The following CSMD3 variants were observed in gnomAD, a reference collection of about 807,000 sequenced individuals.
CSMD3 encodes the protein CUB and sushi domain-containing protein 3.
A neutral mutation model predicts 435.2 loss-of-function variants in CSMD3; 177 were observed. That is an observed-to-expected ratio of 0.41 (90% CI 0.36 to 0.46). The LOEUF (loss-of-function observed/expected upper bound fraction) is 0.46, where lower values mean the gene tolerates loss of function less well. Ranked by LOEUF, CSMD3 falls within the 20% of genes least tolerant of loss-of-function variation. CSMD3 has a pLI of 0.34. For synonymous variants in CSMD3, 1,656 were observed against 1,520.5 expected, an observed-to-expected ratio of 1.09 and a Z score of -2.07; for missense variants, 4,265 against 4,504.6, an observed-to-expected ratio of 0.95 and a Z score of 1.52.
chr8:112,816,710 A>G (rs771604883), intron 12 of CSMD3, among the ~76,000 whole-genome samples: 123 of 152,194 alleles, frequency 8.1e-4, no homozygotes, highest in Middle Eastern at 3.4e-3. Context: ...ATAGGGCTCA[A>G]CAAACTAAGA....
intron 31 of CSMD3, among the ~76,000 whole-genome samples, chr8:112,488,361 A>G (rs1251326818): frequency 6.6e-6 from 1 of 152,194 alleles, no homozygotes; most frequent in Non-Finnish European, 1.5e-5. Flanking sequence ...CATGGAGCTT[A>G]TGCTCTTCTA....
intron 13 of CSMD3, among the ~76,000 whole-genome samples, chr8:112,745,407 A>AT (rs1198218542): frequency 6.6e-6 from 1 of 151,926 alleles, no homozygotes. Context: ...TATTTTAAGT[A>AT]TTTTTTCAAA....
chr8:113,019,579 CTTA>C lies in CSMD3; in HGVS notation c.918-403_918-401del, dbSNP rs1365730156. ...TATTATTTATTATATATATTGTATT[CTTA>C]TTGTTAATAATAAACATAACAGATA... On this transcript the variant is annotated intron_variant, in intron 5 of 70. Coordinates refer to ENST00000297405, the MANE Select transcript of CSMD3 (RefSeq NM_198123.2). Among the ~76,000 whole-genome samples, 7 of 147,214 alleles carry C rather than the reference CTTA, an allele frequency of 4.8e-5. No individual in the cohort carries two copies. In the East Asian group the frequency reaches 7.9e-4, roughly 17 times the overall value.
At chr8:112,367,960 TA>T (rs1244114218) in intron 38 of CSMD3, among the ~76,000 whole-genome samples, 2 of 152,190 alleles carry the variant, frequency 1.3e-5, no homozygotes, top group Admixed American at 6.5e-5. Flanking sequence ...TATTTAATTA[TA>T]AAGCAATCTT....
intron 7 of CSMD3, among the ~76,000 whole-genome samples, chr8:112,957,725 T>G (rs1305637850): frequency 1.4e-5 from 2 of 146,918 alleles, no homozygotes; most frequent in Non-Finnish European, 3.0e-5. Context: ...TGGGAAACGG[T>G]GTAAACCCAC....
intron 4 of CSMD3, among the ~76,000 whole-genome samples, chr8:113,167,537 C>T (rs893884138): frequency 2.0e-5 from 3 of 152,140 alleles, no homozygotes; most frequent in East Asian, 3.9e-4. Context: ...AGGACATGTA[C>T]GTTATTTTAT....
chr8:112,769,740 A>T (rs1194192723), intron 13 of CSMD3, among the ~76,000 whole-genome samples: 2 of 151,976 alleles, frequency 1.3e-5, no homozygotes, highest in East Asian at 3.9e-4. Context: ...GAGAGTACAT[A>T]AAAGATTTTT....
intron 19 of CSMD3, among the ~76,000 whole-genome samples, chr8:112,647,602 G>C (rs917322146): frequency 6.6e-6 from 1 of 152,058 alleles, no homozygotes; most frequent in African/African-American, 2.4e-5. Context: ...CACCGCACCA[G>C]GCCTTCAAAT....
chr8:112,379,286 A>G (rs1829247697), intron 38 of CSMD3, among the ~76,000 whole-genome samples: 1 of 152,162 alleles, frequency 6.6e-6, no homozygotes, highest in African/African-American at 2.4e-5. Flanking sequence ...CCTGACCAAC[A>G]TGGTGAAACC....
At chr8:112,849,300 A>G (rs1011276019) in intron 11 of CSMD3, among the ~76,000 whole-genome samples, 1 of 152,120 alleles carries the variant, frequency 6.6e-6, no homozygotes, top group Admixed American at 6.5e-5. Context: ...CCTCATAACA[A>G]TAACTCAATA....
intron 7 of CSMD3, among the ~76,000 whole-genome samples, chr8:112,965,535 G>A (rs1359763630): frequency 6.6e-6 from 1 of 151,886 alleles, no homozygotes; most frequent in Non-Finnish European, 1.5e-5. Flanking sequence ...ATTGACATCA[G>A]AAATTCTTAA....
intron 28 of CSMD3, among the ~76,000 whole-genome samples, chr8:112,507,655 T>G (rs764208344): frequency 6.6e-6 from 1 of 152,190 alleles, no homozygotes; most frequent in Non-Finnish European, 1.5e-5. Flanking sequence ...AGCATTCAGT[T>G]ATAAGGGAAA....
intron 2 of CSMD3, among the ~76,000 whole-genome samples, chr8:113,287,032 G>C (rs1269339442): frequency 6.6e-6 from 1 of 151,964 alleles, no homozygotes; most frequent in Non-Finnish European, 1.5e-5. Flanking sequence ...TTTTGTGAAT[G>C]TTAAGTAAGG....
At chr8:113,110,549 C>T (rs571092788) in intron 4 of CSMD3, among the ~76,000 whole-genome samples, 8 of 152,240 alleles carry the variant, frequency 5.3e-5, no homozygotes, top group East Asian at 1.9e-4. Context: ...TCATCAGAAT[C>T]GCTTTTACCA....
rs1479508206 is a variant in CSMD3, at chr8:112,957,999, C to A, written c.1343-3238G>T. Reference sequence around the variant, plus strand: ...ACCTCAAATGATCCACCTGCCCCGGCCTCCAAAAGTGCATGTCGTATTTGT... The same window carrying A: ...ACCTCAAATGATCCACCTGCCCCGGACTCCAAAAGTGCATGTCGTATTTGT... On this transcript the variant is annotated intron_variant, in intron 7 of 70. Transcript: ENST00000297405. Among the ~76,000 whole-genome samples, 3 of 152,230 alleles carry A rather than the reference C, an allele frequency of 2.0e-5. No individual in the cohort carries two copies. In the East Asian group the frequency reaches 5.8e-4, roughly 29 times the overall value.
intron 3 of CSMD3, among the ~76,000 whole-genome samples, chr8:113,213,885 C>T (rs2092869444): frequency 6.6e-6 from 1 of 152,010 alleles, no homozygotes; most frequent in Middle Eastern, 3.4e-3. Context: ...GTTCTTTATA[C>T]AATATGGATG....
intron 16 of CSMD3, among the ~76,000 whole-genome samples, chr8:112,673,125 G>C (rs1454326251): frequency 6.6e-6 from 1 of 151,774 alleles, no homozygotes; most frequent in Non-Finnish European, 1.5e-5. Context: ...ATAAAATCTA[G>C]ATGCCAATTC....
Position 112,552,708 on chromosome 8 carries a change from C to A in CSMD3, c.4247G>T (p.Gly1416Val), listed in dbSNP as rs1216141958. ...PLPSCIAECGGRFKGESSGRI... is the reference protein window; with the variant it reads ...PLPSCIAECGVRFKGESSGRI... Reference sequence around the variant, plus strand: ...TCCTGATGATTCTCCTTTAAAACGACCTCCACATTCAGCTGATAAAAAATA... The same window carrying A: ...TCCTGATGATTCTCCTTTAAAACGAACTCCACATTCAGCTGATAAAAAATA... Residue 1416 changes from glycine (G) to valine (V), a missense_variant, in exon 26 of 71, where the codon GGT (glycine) becomes GTT (valine). This residue lies in a region of CSMD3 where 3,255 missense variants were observed against 3,380.2 expected (regional missense o/e 0.96). Coordinates refer to ENST00000297405, the MANE Select transcript of CSMD3 (RefSeq NM_198123.2). 4 of 1,611,494 alleles carry A rather than the reference C, an allele frequency of 2.5e-6. No homozygotes were observed. Among genetic ancestry groups the A allele is most frequent in the Non-Finnish European group, 3.4e-6 (4 of 1,178,612 alleles).
At chr8:112,325,197 C>A (rs575644409) in intron 45 of CSMD3, among the ~76,000 whole-genome samples, 32 of 152,264 alleles carry the variant, frequency 2.1e-4, no homozygotes, top group Non-Finnish European at 3.8e-4. Flanking sequence ...AACCTGTCTA[C>A]AACCTCTTAC....
Sources: allele counts gnomAD v4.1 joint callset (sites outside exome capture counted in the v4.1 genomes callset), GRCh38; gene constraint gnomAD v4.1.1; regional missense constraint gnomAD v4.1.1; transcripts MANE v1.5; gene names NCBI Gene and HGNC (gene_info 2026-07-23, HGNC 2026-07-21).